SCN9A: variants seen among roughly 807,000 people sequenced by gnomAD.
SCN9A encodes the protein sodium channel protein type 9 subunit alpha.
In SCN9A, 131 loss-of-function variants were observed where a neutral mutation model predicts 187.0. The ratio of observed to expected loss-of-function variants is 0.70; its 90% confidence interval spans 0.61 to 0.81. The LOEUF is 0.81. Among genes scored for constraint, SCN9A ranks in the 30% least tolerant of loss-of-function variants. The pLI, the probability that SCN9A is intolerant of heterozygous loss-of-function variation, is 0.00. For synonymous variants in SCN9A, 809 were observed against 808.6 expected, an observed-to-expected ratio of 1.00 and a Z score of -0.01; for missense variants, 2,252 against 2,396.6, an observed-to-expected ratio of 0.94 and a Z score of 1.26.
At chr2:166,236,773 T>C (rs1695336854) in intron 20 of SCN9A, among the ~76,000 whole-genome samples, 1 of 152,198 alleles carries the variant, frequency 6.6e-6, no homozygotes, top group Non-Finnish European at 1.5e-5. Context: ...AATTGAACTT[T>C]TGAGTAAATA....
rs570022777 is a variant in SCN9A, at chr2:166,199,868, T to C, written c.4775-4A>G. On this transcript the variant is annotated splice_polypyrimidine_tract_variant and splice_region_variant and intron_variant, in intron 26 of 26. Coordinates refer to ENST00000642356, the MANE Select transcript of SCN9A (RefSeq NM_001365536.1). ...ATCAAATCAGCTAGAAACATACCTG[T>C]ATGTGGAGGAAAATAATAGAAATAA... 9.3e-6 allele frequency: 15 copies of C among 1,608,898 alleles called. No homozygotes were observed. In the South Asian group the frequency reaches 1.6e-4, roughly 18 times the overall value.
intron 1 of SCN9A, among the ~76,000 whole-genome samples, chr2:166,351,727 G>A (rs1394210640): frequency 2.0e-5 from 3 of 152,132 alleles, no homozygotes; most frequent in African/African-American, 4.8e-5. Context: ...AGTCTTTAGA[G>A]CCAAGTGCCC....
At chr2:166,270,661 G>A (rs114274427) in intron 17 of SCN9A, among the ~76,000 whole-genome samples, 3,248 of 151,256 alleles carry the variant, frequency 0.021, 115 homozygotes, top group African/African-American at 0.075. Context: ...GTCTCACTCT[G>A]TAGTCCAAGC....
At chr2:166,222,013 T>C (rs1464553345) in intron 24 of SCN9A, among the ~76,000 whole-genome samples, 2 of 152,096 alleles carry the variant, frequency 1.3e-5, no homozygotes, top group African/African-American at 4.8e-5. Context: ...ACTGTAAAAC[T>C]TGTAGAAGAA....
intron 1 of SCN9A, among the ~76,000 whole-genome samples, chr2:166,334,300 T>A (rs1484832405): frequency 6.6e-6 from 1 of 152,106 alleles, no homozygotes; most frequent in East Asian, 1.9e-4. Flanking sequence ...GAATAATTTC[T>A]TGACAATTTC....
At chr2:166,285,145 A>G (rs1391563647) in intron 11 of SCN9A, among the ~76,000 whole-genome samples, 2 of 152,178 alleles carry the variant, frequency 1.3e-5, no homozygotes, top group Non-Finnish European at 2.9e-5. Flanking sequence ...TAAAAAAAGA[A>G]CTTAGTATTG....
chr2:166,253,387 C>T (rs1696130951), intron 17 of SCN9A, among the ~76,000 whole-genome samples: 1 of 151,690 alleles, frequency 6.6e-6, no homozygotes, highest in Admixed American at 6.6e-5. Context: ...TACAAAATTT[C>T]ACTCAAAAAC....
chr2:166,253,970 A>G (rs947025732), intron 17 of SCN9A, among the ~76,000 whole-genome samples: 1 of 151,828 alleles, frequency 6.6e-6, no homozygotes, highest in African/African-American at 2.4e-5. Flanking sequence ...AAGCATCTTC[A>G]AACATCAATA....
intron 26 of SCN9A, among the ~76,000 whole-genome samples, chr2:166,201,818 A>G (rs1189409496): frequency 2.0e-5 from 3 of 151,430 alleles, no homozygotes; most frequent in Admixed American, 6.6e-5. Flanking sequence ...TACACATTCA[A>G]CAGTATTGAG....
At chr2:166,218,920 C>T (rs900056281) in intron 24 of SCN9A, among the ~76,000 whole-genome samples, 3 of 152,080 alleles carry the variant, frequency 2.0e-5, no homozygotes, top group African/African-American at 7.2e-5. Flanking sequence ...TGAACAGACA[C>T]TTCTGAAAAG....
chr2:166,370,232 A>ATCATCATCATCATC lies in SCN9A; in HGVS notation c.-51+5464_-51+5465insGATGATGATGATGA, dbSNP rs1553507732. Reference sequence around the variant, plus strand: ...TAATAATAATAATAATAATAATAATAATAATCATCATCATCATCATTAGAT... The same window carrying ATCATCATCATCATC: ...TAATAATAATAATAATAATAATAATATCATCATCATCATCATAATCATCATCATCATCATTAGAT... On this transcript the variant is annotated intron_variant, in intron 1 of 26. Transcript: ENST00000642356. Among the ~76,000 whole-genome samples the ATCATCATCATCATC allele has an allele frequency of 2.0e-3, 269 of 137,260 alleles. 1 individual carries two copies. Among genetic ancestry groups the ATCATCATCATCATC allele is most frequent in the African/African-American group, 6.1e-3 (221 of 36,388 alleles). The allele number at this position is 137,260 out of a possible 152,430, so 90.0% of individuals were successfully genotyped here.
intron 1 of SCN9A, among the ~76,000 whole-genome samples, chr2:166,365,328 A>G (rs1268554295): frequency 6.6e-6 from 1 of 152,188 alleles, no homozygotes; most frequent in Non-Finnish European, 1.5e-5. Flanking sequence ...AAAAAAAGAC[A>G]AAAACATTAT....
chr2:166,294,594 C>G lies in SCN9A; in HGVS notation c.965+5G>C. The G allele has an allele frequency of 6.2e-7, 1 of 1,603,870 alleles. No individual in the cohort carries two copies. Among genetic ancestry groups the G allele is most frequent in the Non-Finnish European group, 8.5e-7 (1 of 1,172,616 alleles). On this transcript the variant is annotated splice_donor_5th_base_variant and intron_variant, in intron 8 of 26. Coordinates refer to ENST00000642356, the MANE Select transcript of SCN9A (RefSeq NM_001365536.1). ...TAGACTAAAAAGAAAACAAATATTA[C>G]ATACCCTGAATCTGTGCTGAAACCA...
At chr2:166,300,506 A>G (rs1266179048) in intron 7 of SCN9A, among the ~76,000 whole-genome samples, 5 of 150,914 alleles carry the variant, frequency 3.3e-5, no homozygotes, top group Admixed American at 2.6e-4. Context: ...GGCATTTATT[A>G]TAACTTGAGA....
chr2:166,287,353 A>G (rs1484405418), intron 10 of SCN9A, among the ~76,000 whole-genome samples: 1 of 152,070 alleles, frequency 6.6e-6, no homozygotes, highest in Non-Finnish European at 1.5e-5. Flanking sequence ...TATTTAATCC[A>G]TCATTATTCT....
chr2:166,282,722 G>A (rs1335219676), intron 12 of SCN9A, among the ~76,000 whole-genome samples: 1 of 152,060 alleles, frequency 6.6e-6, no homozygotes, highest in Non-Finnish European at 1.5e-5. Flanking sequence ...AGTCATGCAT[G>A]TATGTGTATC....
chr2:166,219,284 A>T (rs964523014), intron 24 of SCN9A, among the ~76,000 whole-genome samples: 1 of 152,226 alleles, frequency 6.6e-6, no homozygotes, highest in South Asian at 2.1e-4. Context: ...TTATTGGAGC[A>T]CTATTCACAA....
chr2:166,272,297 C>T (rs1258513091), intron 17 of SCN9A, 102 bp downstream of exon 17: 14 of 761,878 alleles, frequency 1.8e-5, no homozygotes, highest in Non-Finnish European at 2.7e-5. Flanking sequence ...TCCATCACTA[C>T]ATGCAATGTT....
Position 166,372,081 on chromosome 2 carries a change from A to AGTGTGT in SCN9A, c.-51+3610_-51+3615dup, listed in dbSNP as rs138962140. Among the ~76,000 whole-genome samples the AGTGTGT allele has an allele frequency of 1.6e-3, 240 of 150,494 alleles. 2 individuals are homozygous for AGTGTGT. Among genetic ancestry groups the AGTGTGT allele is most frequent in the African/African-American group, 5.2e-3 (213 of 40,956 alleles). On this transcript the variant is annotated intron_variant, in intron 1 of 26. Transcript: ENST00000642356. ...AGGGGGGAGGCAAATCACCATACAA[A>AGTGTGT]GTGTGTGTGTGTGTGTGTGTGAGTG...
Sources: allele counts gnomAD v4.1 joint callset (sites outside exome capture counted in the v4.1 genomes callset), GRCh38; gene constraint gnomAD v4.1.1; transcripts MANE v1.5; gene names NCBI Gene and HGNC (gene_info 2026-07-23, HGNC 2026-07-21).